Variants in UNC5C observed in about 807,000 individuals in gnomAD.
UNC5C encodes the protein unc-5 netrin receptor C.
A neutral mutation model predicts 99.8 loss-of-function variants in UNC5C; 47 were observed. The ratio of observed to expected loss-of-function variants is 0.47; its 90% CI spans 0.37 to 0.60. The LOEUF (loss-of-function observed/expected upper bound fraction) is 0.60. UNC5C is among the 20% of genes least tolerant of loss of function. The pLI is 0.00. For missense variants in UNC5C, 1,062 were observed against 1,165.9 expected (o/e 0.91, Z 1.30); for synonymous variants, 487 against 452.2 (o/e 1.08, Z -0.98).
intron 1 of UNC5C, among the ~76,000 whole-genome samples, chr4:95,476,220 G>A (rs566645624): frequency 6.6e-6 from 1 of 152,032 alleles, no homozygotes; most frequent in African/African-American, 2.4e-5. Flanking sequence ...CTCCATTAAT[G>A]AGCCCTATTT....
intron 2 of UNC5C, among the ~76,000 whole-genome samples, chr4:95,309,388 T>C (rs184678733): frequency 4.0e-4 from 61 of 152,174 alleles, no homozygotes; most frequent in Middle Eastern, 6.8e-3. Flanking sequence ...ATTTTTTTAA[T>C]ATGACCCCAA....
At chr4:95,288,521 G>T (rs911260717) in intron 3 of UNC5C, among the ~76,000 whole-genome samples, 8 of 152,186 alleles carry the variant, frequency 5.3e-5, no homozygotes, top group African/African-American at 1.9e-4. Flanking sequence ...GTTTCCAGTG[G>T]AAATTTCCAC....
intron 4 of UNC5C, among the ~76,000 whole-genome samples, chr4:95,265,478 A>G (rs1407981729): frequency 6.6e-6 from 1 of 152,198 alleles, no homozygotes; most frequent in Non-Finnish European, 1.5e-5. Flanking sequence ...AAAAATTTCT[A>G]AAAATTTTCA....
chr4:95,514,621 T>C (rs1459152318), intron 1 of UNC5C, among the ~76,000 whole-genome samples: 1 of 148,960 alleles, frequency 6.7e-6, no homozygotes, highest in East Asian at 1.9e-4. Context: ...AGAGCAGCAA[T>C]ATAAATATAT....
At chr4:95,522,554 CTA>C (rs1046762409) in intron 1 of UNC5C, among the ~76,000 whole-genome samples, 1 of 151,698 alleles carries the variant, frequency 6.6e-6, no homozygotes, top group Non-Finnish European at 1.5e-5. Context: ...GAAAAGCAAC[CTA>C]CACACAAAAA....
chr4:95,408,836 CCTT>C (rs1247520984), intron 1 of UNC5C, among the ~76,000 whole-genome samples: 2 of 152,002 alleles, frequency 1.3e-5, no homozygotes, highest in Non-Finnish European at 2.9e-5. Flanking sequence ...GTAAGTATAA[CCTT>C]AAGTATAACA....
chr4:95,356,212 ACAAAAC>A (rs1485197131), intron 1 of UNC5C, among the ~76,000 whole-genome samples: 1,578 of 76,698 alleles, frequency 0.021, 112 homozygotes, highest in African/African-American at 0.033. Flanking sequence ...AAAAAAAAAA[ACAAAAC>A]AAAAAAAAAA....
intron 4 of UNC5C, among the ~76,000 whole-genome samples, chr4:95,276,494 T>TC (rs376849611): frequency 6.6e-6 from 1 of 151,910 alleles, no homozygotes; most frequent in Admixed American, 6.6e-5. Flanking sequence ...TACTAAGATC[T>TC]CCCCCCACCT....
At chr4:95,177,917 A>C (rs1449562091) in intron 14 of UNC5C, among the ~76,000 whole-genome samples, 1 of 150,498 alleles carries the variant, frequency 6.6e-6, no homozygotes, top group Non-Finnish European at 1.5e-5. Flanking sequence ...TGTGTTGTCC[A>C]GATTGGTCTC....
chr4:95,182,914 T>A lies in UNC5C; in HGVS notation c.2434A>T (p.Asn812Tyr), dbSNP rs144306140. The A allele has an allele frequency of 2.5e-6, 4 of 1,613,400 alleles. No individual in the cohort carries two copies. Among genetic ancestry groups the A allele is most frequent in the Non-Finnish European group, 3.4e-6 (4 of 1,179,444 alleles). The change falls in exon 14 of 16, where the codon AAC (asparagine) becomes TAC (tyrosine). Residue 812 changes from asparagine to tyrosine, a missense_variant. Around this residue, in one of 3 missense-constraint regions of UNC5C, gnomAD observed 810 missense variants for 854.5 expected, o/e 0.95. Coordinates refer to ENST00000453304, the MANE Select transcript of UNC5C (RefSeq NM_003728.4). ...CCACTTACCTCTGACACGGTGCAGT[T>A]GAGCTGGAAGATCTGCCCTTCTCCT... ...VEGEGQIFQL[N>Y]CTVSEEPTGI... is the part of the protein sequence containing the mutation.
intron 14 of UNC5C, among the ~76,000 whole-genome samples, chr4:95,176,839 G>T (rs1327948641): frequency 1.3e-5 from 2 of 152,232 alleles, no homozygotes; most frequent in Middle Eastern, 6.3e-3. Context: ...CCCTCCCCCA[G>T]CCTCGCTGCC....
intron 1 of UNC5C, among the ~76,000 whole-genome samples, chr4:95,506,054 G>A (rs1721913159): frequency 6.6e-6 from 1 of 151,894 alleles, no homozygotes; most frequent in Non-Finnish European, 1.5e-5. Flanking sequence ...GAGAAAACAT[G>A]TTTTTTAAAA....
intron 13 of UNC5C, 25 bp from the exon 14 acceptor site, chr4:95,183,086 A>G (rs1736683773): frequency 1.9e-6 from 3 of 1,585,366 alleles, no homozygotes; most frequent in Non-Finnish European, 8.6e-7. Context: ...AGTGTTAACC[A>G]CAATTGAAGG....
At chr4:95,361,411 A>T (rs908928545) in intron 1 of UNC5C, among the ~76,000 whole-genome samples, 8 of 152,198 alleles carry the variant, frequency 5.3e-5, no homozygotes, top group African/African-American at 1.9e-4. Flanking sequence ...CATACCTTCA[A>T]GATGAACTGC....
intron 2 of UNC5C, among the ~76,000 whole-genome samples, chr4:95,328,334 C>T (rs1313302109): frequency 2.7e-4 from 26 of 94,882 alleles, no homozygotes; most frequent in African/African-American, 7.6e-4. Context: ...TTTGCTCTTG[C>T]GATAGTTTAC....
chr4:95,496,008 C>T (rs902368562), intron 1 of UNC5C, among the ~76,000 whole-genome samples: 3 of 151,652 alleles, frequency 2.0e-5, no homozygotes, highest in Admixed American at 6.6e-5. Flanking sequence ...GTTTTACATA[C>T]GTTATCCTAT....
intron 14 of UNC5C, among the ~76,000 whole-genome samples, chr4:95,179,088 A>G (rs1736493237): frequency 6.6e-6 from 1 of 152,304 alleles, no homozygotes; most frequent in African/African-American, 2.4e-5. Context: ...CTTTGATGTT[A>G]TGATTCCCTT....
intron 12 of UNC5C, among the ~76,000 whole-genome samples, chr4:95,199,838 T>C (rs943138037): frequency 6.6e-6 from 1 of 152,206 alleles, no homozygotes; most frequent in Admixed American, 6.5e-5. Context: ...AGATACCATT[T>C]TCCCTAATTC....
At chr4:95,455,763 A>G (rs17023934) in intron 1 of UNC5C, among the ~76,000 whole-genome samples, 55,518 of 151,922 alleles carry the variant, frequency 0.37, 10,515 homozygotes, top group African/African-American at 0.45. Context: ...AGACCTTGAT[A>G]TTCTTGTCCT....
Sources: gnomAD v4.1 joint callset for allele counts (sites outside exome capture counted in the v4.1 genomes callset) on GRCh38, gnomAD v4.1.1 for gene constraint, gnomAD v4.1.1 regional missense constraint, MANE v1.5 for transcripts, NCBI Gene and HGNC (gene_info 2026-07-23, HGNC 2026-07-21) for gene names.